Variants in UNC13A observed in about 807,000 individuals in gnomAD.
UNC13A encodes protein unc-13 homolog A.
A neutral mutation model predicts 219.7 loss-of-function variants in UNC13A; 61 were observed. The observed-to-expected ratio is 0.28, with a 90% CI of 0.23 to 0.34. The LOEUF is 0.34. Among genes scored for constraint, UNC13A ranks in the 10% least tolerant of loss-of-function variants. UNC13A has a pLI of 1.00. For synonymous variants in UNC13A, 920 were observed against 884.6 expected (o/e 1.04, Z -0.71); for missense variants, 1,476 against 2,270.3 (o/e 0.65, Z 7.11).
chr19:17,612,047 G>A, intron 41 of UNC13A, 192 bp from the exon 42 acceptor site: 1 of 527,374 alleles, frequency 1.9e-6, no homozygotes, highest in Non-Finnish European at 3.4e-6. Flanking sequence ...GCCTTTTACT[G>A]CCTTGCTGTG....
At position 17,617,711 on chromosome 19, in the gene UNC13A, A is replaced by C; in HGVS notation, c.4549T>G (p.Ser1517Ala). ...LLIKTFVQTQ[S>A]AQGLGVEDPV... is the part of the protein sequence containing the mutation. ...GTCTGGGTACCCTTACCCTGGGCCG[A>C]TTGCGTCTGTACAAAGGTCTTGATT... Residue 1517 changes from serine (S) to alanine (A), a missense_variant, in exon 41 of 44, where the codon TCG becomes GCG. Physicochemically the swap from Ser to Ala is moderately conservative, Grantham distance 99 (BLOSUM62 1). This residue lies in a region of UNC13A where 77 missense variants were observed against 94.8 expected (regional missense o/e 0.81). Coordinates refer to ENST00000519716, the MANE Select transcript of UNC13A (RefSeq NM_001080421.3). 6.2e-7 allele frequency: 1 copy of C among 1,613,716 alleles called. No homozygotes were observed. Among genetic ancestry groups the C allele is most frequent in the Non-Finnish European group, 8.5e-7 (1 of 1,179,668 alleles).
At chr19:17,676,926 A>C (rs878908589) in intron 1 of UNC13A, among the ~76,000 whole-genome samples, 1 of 152,128 alleles carries the variant, frequency 6.6e-6, no homozygotes, top group Admixed American at 6.6e-5. Context: ...AGGTAGGAGA[A>C]TCACTTGAAC....
Position 17,655,909 on chromosome 19 carries a change from C to T in UNC13A, c.1257G>A (p.Glu419=). ...TCTCCTCGTCCTTGGGTGGCTCAGCCTCAGGGATCTGCTCAGCTGCAGGCA... is the reference window on the plus strand; with the variant it reads ...TCTCCTCGTCCTTGGGTGGCTCAGCTTCAGGGATCTGCTCAGCTGCAGGCA... ...DKVPAAEQIP[E]AEPPKDEESF... Residue 419 remains glutamate (E), a synonymous_variant, in exon 10 of 44, where the codon GAG becomes GAA. Coordinates refer to ENST00000519716, the MANE Select transcript of UNC13A (RefSeq NM_001080421.3). 6.6e-7 allele frequency: 1 copy of T among 1,525,500 alleles called. No homozygotes were observed. The highest frequency in any genetic ancestry group is 1.4e-5 in the African/African-American group (1 of 72,092). 94.5% of individuals were successfully genotyped at this position (1,525,500 alleles called of 1,614,324 possible). A position where few individuals can be genotyped will look rare whatever the true frequency, so the allele number is the denominator to read the frequency against.
At chr19:17,640,920 C>A (rs1195096964) in intron 21 of UNC13A, among the ~76,000 whole-genome samples, 1 of 150,124 alleles carries the variant, frequency 6.7e-6, no homozygotes, top group Non-Finnish European at 1.5e-5. Flanking sequence ...ACTCTGTCAC[C>A]CAGGCTGGAG....
chr19:17,630,192 A>G lies in UNC13A; in HGVS notation c.3622T>C (p.Cys1208Arg). The G allele has an allele frequency of 6.4e-7, 1 of 1,551,980 alleles. No individual in the cohort carries two copies. Among genetic ancestry groups the G allele is most frequent in the Non-Finnish European group, 8.7e-7 (1 of 1,147,090 alleles). ...QSFEIIKKLE[C>R]PDPQIVGHYM... ...TGCCCCACGATCTGAGGGTCGGGAC[A>G]CTCGAGTTTCTTGATGATTTCAAAG... The change falls in exon 30 of 44, where the codon TGT (cysteine) becomes CGT (arginine). Residue 1208 changes from cysteine to arginine, a missense_variant. By Grantham distance (180) the Cys-to-Arg change is radical. Coordinates refer to ENST00000519716, the MANE Select transcript of UNC13A (RefSeq NM_001080421.3).
At chr19:17,657,916 C>A (rs966991555) in intron 9 of UNC13A, 146 bp downstream of exon 9, 4 of 758,402 alleles carry the variant, frequency 5.3e-6, no homozygotes, top group Non-Finnish European at 8.2e-6. Flanking sequence ...TTAATTCCCA[C>A]AAGAAAATGT....
intron 38 of UNC13A, 113 bp downstream of exon 38, chr19:17,620,580 A>C: frequency 1.1e-6 from 1 of 871,764 alleles, no homozygotes; most frequent in Non-Finnish European, 1.7e-6. Context: ...ACCAACAGAC[A>C]GGTTCACAGT....
intron 43 of UNC13A, among the ~76,000 whole-genome samples, chr19:17,609,559 C>T (rs987632595): frequency 6.6e-6 from 1 of 152,112 alleles, no homozygotes; most frequent in Admixed American, 6.6e-5. Flanking sequence ...CTCAGCCCCC[C>T]GCTCATAAGC....
intron 17 of UNC13A, 139 bp from the exon 18 acceptor site, chr19:17,646,250 T>G: frequency 8.4e-7 from 1 of 1,193,772 alleles, no homozygotes; most frequent in Non-Finnish European, 1.2e-6. Context: ...ACGCTGGGCT[T>G]GCCAGAGAGG....
chr19:17,618,797 G>T, intron 39 of UNC13A, 109 bp downstream of exon 39: 1 of 1,053,418 alleles, frequency 9.5e-7, no homozygotes, highest in Non-Finnish European at 1.5e-6. Context: ...CTTTGAGCCT[G>T]TAATGCATGT....
chr19:17,641,413 C>T lies in UNC13A; in HGVS notation c.2616G>A (p.Glu872=). The T allele has an allele frequency of 6.2e-7, 1 of 1,614,070 alleles. No homozygotes were observed. The change falls in exon 21 of 44, where the codon GAG becomes GAA. Residue 872 remains glutamate, a synonymous_variant. Transcript: ENST00000519716. The part of the protein sequence containing the change: ...VDEFAMRYGV[E]SIYQAMTHFA... ...CTCACGTCATGGCTTGGTAGATGGA[C>T]TCGACGCCGTAGCGCATGGCAAACT...
At chr19:17,631,980 G>A (rs188623728) in intron 28 of UNC13A, among the ~76,000 whole-genome samples, 6 of 152,128 alleles carry the variant, frequency 3.9e-5, no homozygotes, top group African/African-American at 9.6e-5. Flanking sequence ...GTGCAATCTC[G>A]GCTCACTGCA....
chr19:17,614,992 G>A (rs1415201887), intron 41 of UNC13A, among the ~76,000 whole-genome samples: 1 of 152,148 alleles, frequency 6.6e-6, no homozygotes, highest in Non-Finnish European at 1.5e-5. Flanking sequence ...CCCCCATCCC[G>A]TGCTTTGCTG....
intron 4 of UNC13A, among the ~76,000 whole-genome samples, chr19:17,670,907 GTAAAA>G (rs58942725): frequency 0.062 from 7,989 of 128,504 alleles, 425 homozygotes; most frequent in African/African-American, 0.15. Flanking sequence ...CCATCTCACA[GTAAAA>G]TAAAATAAAA....
At chr19:17,648,252 T>A (rs1316170497) in intron 16 of UNC13A, among the ~76,000 whole-genome samples, 179 bp downstream of exon 16, 1 of 111,458 alleles carries the variant, frequency 9.0e-6, no homozygotes, top group African/African-American at 3.6e-5. Context: ...CAGGGAGTCC[T>A]GCGCCTTTAA....
chr19:17,675,672 C>G (rs892777327), intron 2 of UNC13A, among the ~76,000 whole-genome samples: 2 of 151,620 alleles, frequency 1.3e-5, no homozygotes, highest in African/African-American at 4.8e-5. Context: ...AAAGAAACTC[C>G]TTTCGCCTCT....
chr19:17,616,118 C>G (rs2076659557), intron 41 of UNC13A, among the ~76,000 whole-genome samples: 11 of 152,206 alleles, frequency 7.2e-5, no homozygotes, highest in Admixed American at 7.2e-4. Flanking sequence ...CAGAGCCCAG[C>G]TCTTAACCTG....
At chr19:17,607,841 C>G (rs1437082626) in intron 43 of UNC13A, among the ~76,000 whole-genome samples, 2 of 147,400 alleles carry the variant, frequency 1.4e-5, no homozygotes, top group African/African-American at 2.5e-5. Flanking sequence ...TCTACCCTTG[C>G]TAACCACCAC....
Position 17,669,683 on chromosome 19 carries a change from G to T in UNC13A, c.271-7C>A, listed in dbSNP as rs776337616. ...GCCACTCTCCAGGGCCCTCCTGGGG[G>T]TTGGGGGAGGAGGTGTGTGGGTCAG... On this transcript the variant is annotated splice_polypyrimidine_tract_variant and splice_region_variant and intron_variant, in intron 4 of 43. Coordinates refer to ENST00000519716, the MANE Select transcript of UNC13A (RefSeq NM_001080421.3). 2.2e-5 allele frequency: 35 copies of T among 1,604,272 alleles called. No individual in the cohort carries two copies. The highest frequency in any genetic ancestry group is 2.9e-5 in the Non-Finnish European group (34 of 1,175,710).
Sources: gnomAD v4.1 joint callset for allele counts (sites outside exome capture counted in the v4.1 genomes callset) on GRCh38, gnomAD v4.1.1 for gene constraint, gnomAD v4.1.1 regional missense constraint, MANE v1.5 for transcripts, NCBI Gene and HGNC (gene_info 2026-07-23, HGNC 2026-07-21) for gene names.